The following TMEM59L variants were observed in gnomAD, a reference collection of about 807,000 sequenced individuals.
TMEM59L encodes transmembrane protein 59 like, also known as transmembrane protein 59-like.
In TMEM59L, 31 loss-of-function variants were observed where a neutral mutation model predicts 39.6. That is an observed-to-expected ratio of 0.78 (90% CI 0.59 to 1.06). The LOEUF is 1.06. Ranked by LOEUF, TMEM59L falls within the 50% of genes least tolerant of loss-of-function variation. TMEM59L has a pLI of 0.00. For synonymous variants in TMEM59L, 219 were observed against 202.9 expected (o/e 1.08, Z -0.68); for missense variants, 441 against 451.3 (o/e 0.98, Z 0.21).
At position 18,618,421 on chromosome 19, in the gene TMEM59L, T is replaced by C; in HGVS notation, c.829T>C (p.Ser277Pro). 1 of 1,608,198 alleles carries C rather than the reference T, an allele frequency of 6.2e-7. No individual in the cohort carries two copies. Among genetic ancestry groups the C allele is most frequent in the Non-Finnish European group, 8.5e-7 (1 of 1,179,232 alleles). Residue 277 changes from serine (S) to proline (P), a missense_variant, in exon 7 of 8, where the codon TCC (serine) becomes CCC (proline). Ser to Pro is a moderately conservative substitution (Grantham distance 74). Coordinates refer to ENST00000262817, the MANE Select transcript of TMEM59L (RefSeq NM_012109.3). ...GATCCTGGCCTGCTGCCTCTTCCTC[T>C]CCGTGCTGGTGATGCTGTGGCTGAG... The part of the protein sequence containing the change: ...RWILACCLFL[S>P]VLVMLWLSCS...
At chr19:18,617,169 C>A (rs1490280406) in intron 5 of TMEM59L, 67 bp downstream of exon 5, 1 of 1,194,296 alleles carries the variant, frequency 8.4e-7, no homozygotes. Flanking sequence ...GTCGGCCTGG[C>A]AAACAGACCT....
At position 18,616,108 on chromosome 19, in the gene TMEM59L, G is replaced by A; in HGVS notation, c.542G>A (p.Gly181Glu). Residue 181 changes from glycine (G) to glutamate (E), a missense_variant, in exon 4 of 8, where the codon GGG becomes GAG. Coordinates refer to ENST00000262817, the MANE Select transcript of TMEM59L (RefSeq NM_012109.3). Reference sequence around the variant, plus strand: ...ACATACTACTTGCAGACTGACAATGGGAAAGTGGTGGTGTTTCAGGTGAGA... The same window carrying A: ...ACATACTACTTGCAGACTGACAATGAGAAAGTGGTGGTGTTTCAGGTGAGA... ...TWTYYLQTDN[G>E]KVVVFQTQPI... 2 of 1,614,040 alleles carry A rather than the reference G, an allele frequency of 1.2e-6. No homozygotes were observed. The highest frequency in any genetic ancestry group is 1.7e-6 in the Non-Finnish European group (2 of 1,179,966).
chr19:18,618,294 G>T, intron 6 of TMEM59L, 22 bp downstream of exon 6: 2 of 679,778 alleles, frequency 2.9e-6, no homozygotes, highest in Non-Finnish European at 2.6e-6. Context: ...GACCTTGGGG[G>T]TGGGAGGGGG....
At chr19:18,615,545 C>T (rs766226857) in intron 3 of TMEM59L, among the ~76,000 whole-genome samples, 1 of 152,192 alleles carries the variant, frequency 6.6e-6, no homozygotes, top group African/African-American at 2.4e-5. Flanking sequence ...GTCCTATTGG[C>T]CCAAATCACT....
At position 18,618,244 on chromosome 19, in the gene TMEM59L, G is replaced by T; in HGVS notation, c.754G>T (p.Asp252Tyr). The change falls in exon 6 of 8, where the codon GAC becomes TAC. Residue 252 changes from aspartate (D) to tyrosine (Y), a missense_variant. Physicochemically the swap from Asp to Tyr is radical, Grantham distance 160. Transcript: ENST00000262817. ...KAKVESEEPQ[D>Y]NDFLSCMSRR... ...CAAGGTGGAGTCTGAAGAGCCACAG[G>T]ACAATGACTTCCTCAGTTGCATGTC... 7.0e-7 allele frequency: 1 copy of T among 1,435,832 alleles called. No homozygotes were observed. The highest frequency in any genetic ancestry group is 9.3e-7 in the Non-Finnish European group (1 of 1,069,998). The allele number at this position is 1,435,832 out of a possible 1,614,324, so 88.9% of individuals were successfully genotyped here. A position where few individuals can be genotyped will look rare whatever the true frequency, so the allele number is the denominator to read the frequency against.
At chr19:18,613,305 C>T (rs1007241566) in intron 1 of TMEM59L, among the ~76,000 whole-genome samples, 176 bp downstream of exon 1, 11 of 152,068 alleles carry the variant, frequency 7.2e-5, no homozygotes, top group African/African-American at 2.4e-4. Flanking sequence ...GGGGTTCCCT[C>T]TGATGGGGGA....
chr19:18,614,983 T>C (rs1976412372), intron 3 of TMEM59L, among the ~76,000 whole-genome samples: 2 of 152,098 alleles, frequency 1.3e-5, no homozygotes, highest in African/African-American at 4.8e-5. Flanking sequence ...CTCCCTCTTA[T>C]TTATTTATTT....
chr19:18,617,291 C>A, intron 5 of TMEM59L, 189 bp downstream of exon 5: 1 of 678,612 alleles, frequency 1.5e-6, no homozygotes, highest in Non-Finnish European at 2.7e-6. Flanking sequence ...TTCCATGGTC[C>A]ACTTCTCAGG....
chr19:18,618,504 C>A lies in TMEM59L; in HGVS notation c.900+12C>A. The A allele has an allele frequency of 6.3e-7, 1 of 1,596,818 alleles. No individual in the cohort carries two copies. Among genetic ancestry groups the A allele is most frequent in the Non-Finnish European group, 8.5e-7 (1 of 1,174,758 alleles). On this transcript the variant is annotated intron_variant, in intron 7 of 7. Coordinates refer to ENST00000262817, the MANE Select transcript of TMEM59L (RefSeq NM_012109.3). ...ACCTCAAGTTCCAGGTGGGTGGGATCTGTGAATGGCGCTGGGCCGAGGGAG... is the reference window on the plus strand; with the variant it reads ...ACCTCAAGTTCCAGGTGGGTGGGATATGTGAATGGCGCTGGGCCGAGGGAG...
chr19:18,620,603 G>A lies in TMEM59L; in HGVS notation c.*67G>A, dbSNP rs1263400636. 6 of 1,564,108 alleles carry A rather than the reference G, an allele frequency of 3.8e-6. No individual in the cohort carries two copies. The highest frequency in any genetic ancestry group is 4.3e-6 in the Non-Finnish European group (5 of 1,154,932). On this transcript the variant is annotated 3_prime_UTR_variant, in exon 8 of 8. Coordinates refer to ENST00000262817, the MANE Select transcript of TMEM59L (RefSeq NM_012109.3). Reference sequence around the variant, plus strand: ...CGGGCCTCACTTGCCCTGAGCCCAGGAGTCCAAGGGCAGGGTGGGTCCAGC... The same window carrying A: ...CGGGCCTCACTTGCCCTGAGCCCAGAAGTCCAAGGGCAGGGTGGGTCCAGC...
chr19:18,619,427 T>C (rs1365124687), intron 7 of TMEM59L, among the ~76,000 whole-genome samples: 2 of 152,218 alleles, frequency 1.3e-5, no homozygotes, highest in Admixed American at 1.3e-4. Flanking sequence ...ACCTCTATCA[T>C]GCCCAGGTGT....
intron 5 of TMEM59L, 56 bp from the exon 6 acceptor site, chr19:18,618,099 T>G: frequency 2.3e-6 from 3 of 1,325,872 alleles, no homozygotes; most frequent in Non-Finnish European, 3.3e-6. Context: ...TGGTCATGGT[T>G]ATTGTGGCCT....
At position 18,617,074 on chromosome 19, in the gene TMEM59L, C is replaced by T; in HGVS notation, c.636C>T (p.Ser212=). Reference sequence around the variant, plus strand: ...GCGTGGAGGTGACCTGGCGAGGCTCCCACCCTGAAGCCCTGGAGGTGCACG... The same window carrying T: ...GCGTGGAGGTGACCTGGCGAGGCTCTCACCCTGAAGCCCTGGAGGTGCACG... ...LQRVEVTWRG[S]HPEALEVHVD... Residue 212 remains serine (S), a synonymous_variant, in exon 5 of 8, where the codon TCC becomes TCT. Coordinates refer to ENST00000262817, the MANE Select transcript of TMEM59L (RefSeq NM_012109.3). 2.5e-6 allele frequency: 4 copies of T among 1,613,406 alleles called. No individual in the cohort carries two copies. Among genetic ancestry groups the T allele is most frequent in the Non-Finnish European group, 3.4e-6 (4 of 1,179,912 alleles).
intron 1 of TMEM59L, 38 bp from the exon 2 acceptor site, chr19:18,613,834 T>G: frequency 7.8e-6 from 7 of 896,566 alleles, no homozygotes; most frequent in Non-Finnish European, 1.2e-5. Context: ...CTCCTGCCCC[T>G]CCCCATGGCC....
In TMEM59L at chr19:18,618,271, C is replaced by G; in HGVS notation, c.781C>G (p.Arg261Gly). The G allele has an allele frequency of 9.1e-7, 1 of 1,101,106 alleles. No individual in the cohort carries two copies. The highest frequency in any genetic ancestry group is 1.2e-6 in the Non-Finnish European group (1 of 812,650). 68.2% of individuals were successfully genotyped at this position (1,101,106 alleles called of 1,614,324 possible). Residue 261 changes from arginine to glycine, a missense_variant and splice_region_variant, in exon 6 of 8, where the codon CGG becomes GGG. By Grantham distance (125) the Arg-to-Gly change is moderately radical. Transcript: ENST00000262817. ...CAATGACTTCCTCAGTTGCATGTCC[C>G]GGTGGGTGGCAGGACCTTGGGGGTG... is the stretch of plus-strand genomic sequence containing the variant. ...QDNDFLSCMS[R>G]RSGLPRWILA...
At chr19:18,615,727 C>A (rs1976419963) in intron 3 of TMEM59L, among the ~76,000 whole-genome samples, 3 of 152,230 alleles carry the variant, frequency 2.0e-5, no homozygotes, top group African/African-American at 7.2e-5. Context: ...CCTGCCTCAG[C>A]CTCTGGAGTA....
chr19:18,613,747 C>T, intron 1 of TMEM59L, 125 bp from the exon 2 acceptor site: 1 of 719,126 alleles, frequency 1.4e-6, no homozygotes, highest in South Asian at 1.8e-5. Context: ...CCAACTTCAT[C>T]TCCATCTGGC....
chr19:18,619,154 G>A (rs145833112), intron 7 of TMEM59L, among the ~76,000 whole-genome samples: 2 of 151,954 alleles, frequency 1.3e-5, no homozygotes, highest in African/African-American at 4.8e-5. Context: ...ACCATGCCCC[G>A]CTAATTTTTG....
In TMEM59L at chr19:18,618,452, C is replaced by A; in HGVS notation, c.860C>A (p.Ser287Tyr). 1 of 1,607,612 alleles carries A rather than the reference C, an allele frequency of 6.2e-7. No individual in the cohort carries two copies. ...SVLVMLWLSCSTLVTAPGQHL... is the reference protein window; with the variant it reads ...SVLVMLWLSCYTLVTAPGQHL... ...CTGGTGATGCTGTGGCTGAGCTGCT[C>A]CACCCTGGTGACCGCGCCTGGCCAG... is the stretch of plus-strand genomic sequence containing the variant. Residue 287 changes from serine to tyrosine, a missense_variant, in exon 7 of 8, where the codon TCC (serine) becomes TAC (tyrosine). By Grantham distance (144) the Ser-to-Tyr change is moderately radical (BLOSUM62 -2). Coordinates refer to ENST00000262817, the MANE Select transcript of TMEM59L (RefSeq NM_012109.3).
Sources: gnomAD v4.1 joint callset for allele counts (sites outside exome capture counted in the v4.1 genomes callset) on GRCh38, gnomAD v4.1.1 for gene constraint, MANE v1.5 for transcripts, NCBI Gene and HGNC (gene_info 2026-07-23, HGNC 2026-07-21) for gene names.